Variants in PTPRZ1 observed in about 807,000 individuals in gnomAD.
PTPRZ1 encodes the protein protein tyrosine phosphatase receptor type Z1, also known as receptor-type tyrosine-protein phosphatase zeta.
Under a neutral mutation model 214.1 loss-of-function variants are expected in PTPRZ1, and 82 were observed. That is an observed-to-expected ratio of 0.38 (90% CI 0.32 to 0.46). The LOEUF (loss-of-function observed/expected upper bound fraction) is 0.46. Ranked by LOEUF, PTPRZ1 falls within the 20% of genes least tolerant of loss-of-function variation. PTPRZ1 has a pLI of 1.00. For synonymous variants in PTPRZ1, 945 were observed against 987.9 expected (o/e 0.96, Z 0.81); for missense variants, 2,603 against 2,748.7 (o/e 0.95, Z 1.19).
At position 122,019,086 on chromosome 7, in the gene PTPRZ1, C is replaced by T. The variant is rs199667597; in HGVS notation, c.4844-38C>T. 4.5e-5 allele frequency: 70 copies of T among 1,552,282 alleles called. No individual in the cohort carries two copies. The African/African-American group carries it at 7.0e-4, about 16-fold the overall frequency. On this transcript the variant is annotated intron_variant, in intron 12 of 29. Coordinates refer to ENST00000393386, the MANE Select transcript of PTPRZ1 (RefSeq NM_002851.3). ...GAAAAATGCTGTGACTTTTCCTTCA[C>T]CTTAAATATCAATTCTCTCAATTTT...
In PTPRZ1 at chr7:121,972,549, A is replaced by T. The variant is rs1797287473; in HGVS notation, c.313A>T (p.Asn105Tyr). The T allele has an allele frequency of 1.3e-6, 2 of 1,591,386 alleles. No homozygotes were observed. The highest frequency in any genetic ancestry group is 1.4e-5 in the African/African-American group (1 of 73,836). ...IHNTGKTVEINLTNDYRVSGG... is the reference protein window; with the variant it reads ...IHNTGKTVEIYLTNDYRVSGG... ...TGTATTTCTTTTTTTAGTGGAAATT[A>T]ATCTCACTAATGACTACCGTGTCAG... The change falls in exon 4 of 30, where the codon AAT becomes TAT. Residue 105 changes from asparagine to tyrosine, a missense_variant. Around this residue, in one of 6 missense-constraint regions of PTPRZ1, gnomAD observed 141 missense variants for 143.7 expected, o/e 0.98. Transcript: ENST00000393386.
intron 1 of PTPRZ1, among the ~76,000 whole-genome samples, chr7:121,891,280 T>TATCACTCATG (rs1221054984): frequency 2.6e-5 from 4 of 152,084 alleles, no homozygotes; most frequent in Non-Finnish European, 5.9e-5. Context: ...TTTTTCTCCT[T>TATCACTCATG]AGTTCTTATC....
chr7:121,934,842 A>G (rs1007444667), intron 2 of PTPRZ1, among the ~76,000 whole-genome samples: 3 of 152,184 alleles, frequency 2.0e-5, no homozygotes, highest in Admixed American at 2.0e-4. Flanking sequence ...TATGCTAGAT[A>G]ATGGTGACTA....
intron 12 of PTPRZ1, among the ~76,000 whole-genome samples, chr7:122,016,783 T>A (rs2116676211): frequency 6.6e-6 from 1 of 151,972 alleles, no homozygotes; most frequent in South Asian, 2.1e-4. Flanking sequence ...TATATACCCA[T>A]ATACATGTTG....
At chr7:122,056,338 A>G (rs566944853) in intron 27 of PTPRZ1, among the ~76,000 whole-genome samples, 1 of 151,900 alleles carries the variant, frequency 6.6e-6, no homozygotes, top group Admixed American at 6.6e-5. Context: ...TAGATAATAC[A>G]GGTTCCTGAT....
intron 9 of PTPRZ1, among the ~76,000 whole-genome samples, chr7:121,997,523 C>T (rs948427632): frequency 6.6e-6 from 1 of 152,034 alleles, no homozygotes; most frequent in Non-Finnish European, 1.5e-5. Context: ...TAGTTGTTCA[C>T]TTTTTCACAT....
intron 27 of PTPRZ1, among the ~76,000 whole-genome samples, chr7:122,055,740 T>C (rs561788216): frequency 3.9e-5 from 6 of 152,060 alleles, no homozygotes; most frequent in Non-Finnish European, 5.9e-5. Flanking sequence ...CATAGAACTA[T>C]AGTAAAATAC....
At chr7:121,896,442 C>T (rs954215884) in intron 1 of PTPRZ1, among the ~76,000 whole-genome samples, 3 of 152,080 alleles carry the variant, frequency 2.0e-5, no homozygotes, top group African/African-American at 7.2e-5. Context: ...TGGAAACAAC[C>T]TAAATGTCCA....
At chr7:121,913,676 G>T (rs549436013) in intron 1 of PTPRZ1, among the ~76,000 whole-genome samples, 1 of 152,006 alleles carries the variant, frequency 6.6e-6, no homozygotes, top group African/African-American at 2.4e-5. Context: ...TTATCTTGGG[G>T]TTTTTTATGA....
intron 2 of PTPRZ1, among the ~76,000 whole-genome samples, chr7:121,935,552 GT>G (rs1796060692): frequency 1.6e-5 from 1 of 63,156 alleles, no homozygotes; most frequent in Non-Finnish European, 3.1e-5. Flanking sequence ...TTTTTTGTTT[GT>G]TTGTTTGTTT....
rs11980387 is a variant in PTPRZ1 at position 121,873,516 on chromosome 7, G to T, written c.17G>T (p.Arg6Leu). The change falls in exon 1 of 30, where the codon CGT becomes CTT. Residue 6 changes from arginine (R) to leucine (L), a missense_variant. By Grantham distance (102) the Arg-to-Leu change is moderately radical. Coordinates refer to ENST00000393386, the MANE Select transcript of PTPRZ1 (RefSeq NM_002851.3). ...CGTCTGGAAATGCGAATCCTAAAGC[G>T]TTTCCTCGCTTGCATTCAGCTCCTC... Reference protein sequence around the residue: MRILKRFLACIQLLCV... With the variant: MRILKLFLACIQLLCV... The T allele has an allele frequency of 0.019, 31,057 of 1,613,916 alleles. 490 individuals are homozygous for T. Among genetic ancestry groups the T allele is most frequent in the African/African-American group, 0.073 (5,461 of 75,028 alleles).
chr7:121,899,192 G>A (rs1794889062), intron 1 of PTPRZ1, among the ~76,000 whole-genome samples: 1 of 151,912 alleles, frequency 6.6e-6, no homozygotes, highest in Non-Finnish European at 1.5e-5. Flanking sequence ...GTAATTATGA[G>A]AACATATCTC....
At chr7:121,877,303 T>TTTC (rs1794091790) in intron 1 of PTPRZ1, among the ~76,000 whole-genome samples, 1 of 152,142 alleles carries the variant, frequency 6.6e-6, no homozygotes, top group Non-Finnish European at 1.5e-5. Context: ...GCCTGAGGCT[T>TTTC]TTCCTCTTTT....
intron 17 of PTPRZ1, among the ~76,000 whole-genome samples, chr7:122,035,405 A>G (rs1799505998): frequency 1.3e-5 from 2 of 152,218 alleles, no homozygotes; most frequent in South Asian, 4.1e-4. Flanking sequence ...TAAAATTATT[A>G]GACTTTCCTC....
Position 122,038,824 on chromosome 7 carries a change from A to G in PTPRZ1, c.5437A>G (p.Arg1813Gly). 5 of 1,613,758 alleles carry G rather than the reference A, an allele frequency of 3.1e-6. No individual in the cohort carries two copies. The highest frequency in any genetic ancestry group is 4.2e-6 in the Non-Finnish European group (5 of 1,179,692). The change falls in exon 19 of 30, where the codon AGA becomes GGA. Residue 1813 changes from arginine to glycine, a missense_variant. This residue lies in a region of PTPRZ1 where 1,913 missense variants were observed against 1,914.3 expected (regional missense o/e 1.00). Transcript: ENST00000393386. ...GAAATCCACAGCTGAAGATTTCTGGAGAATGATATGGGAACATAATGTGGA... is the reference window on the plus strand; with the variant it reads ...GAAATCCACAGCTGAAGATTTCTGGGGAATGATATGGGAACATAATGTGGA... ...PLKSTAEDFW[R>G]MIWEHNVEVI...
chr7:122,025,457 G>A (rs1799183168), intron 13 of PTPRZ1, among the ~76,000 whole-genome samples: 1 of 151,578 alleles, frequency 6.6e-6, no homozygotes, highest in Non-Finnish European at 1.5e-5. Flanking sequence ...AGCCTCTTGA[G>A]TAGCTTGGAT....
At chr7:121,957,242 C>T (rs1231866083) in intron 2 of PTPRZ1, among the ~76,000 whole-genome samples, 4 of 152,102 alleles carry the variant, frequency 2.6e-5, no homozygotes, top group South Asian at 2.1e-4. Context: ...CAGACAATCT[C>T]GCGGATCTTC....
At chr7:121,916,271 T>TTA (rs1795422917) in intron 1 of PTPRZ1, among the ~76,000 whole-genome samples, 1 of 56,892 alleles carries the variant, frequency 1.8e-5, no homozygotes, top group Non-Finnish European at 3.0e-5. Flanking sequence ...GGACTCCATC[T>TTA]CAAAAAAAAA....
At chr7:122,048,237 A>C (rs1792060111) in intron 23 of PTPRZ1, among the ~76,000 whole-genome samples, 1 of 152,146 alleles carries the variant, frequency 6.6e-6, no homozygotes, top group African/African-American at 2.4e-5. Context: ...ATAGAAAATT[A>C]AAATGATTAA....
Sources: gnomAD v4.1 joint callset for allele counts (sites outside exome capture counted in the v4.1 genomes callset) on GRCh38, gnomAD v4.1.1 for gene constraint, gnomAD v4.1.1 regional missense constraint, MANE v1.5 for transcripts, NCBI Gene and HGNC (gene_info 2026-07-23, HGNC 2026-07-21) for gene names.